VAX2: variants seen among roughly 807,000 people sequenced by gnomAD.
VAX2 encodes ventral anterior homeobox 2.
In VAX2, 8 loss-of-function variants were observed where a neutral mutation model predicts 12.5. The ratio of observed to expected loss-of-function variants is 0.64; its 90% CI spans 0.37 to 1.15. VAX2 has a LOEUF of 1.15. Among genes scored for constraint, VAX2 ranks in the 50% most tolerant of loss-of-function variants. VAX2 has a pLI of 0.01. For synonymous variants in VAX2, 183 were observed against 187.6 expected, an observed-to-expected ratio of 0.98 and a Z score of 0.20; for missense variants, 476 against 412.9, an observed-to-expected ratio of 1.15 and a Z score of -1.32.
chr2:70,901,408 C>G (rs1443538924), intron 1 of VAX2, among the ~76,000 whole-genome samples: 1 of 152,230 alleles, frequency 6.6e-6, no homozygotes, highest in African/African-American at 2.4e-5. Context: ...CGGAGGGTGG[C>G]GTGCGCGGCG....
chr2:70,932,637 A>AGCCC, intron 2 of VAX2, 130 bp from the exon 3 acceptor site: 1 of 144,554 alleles, frequency 6.9e-6, no homozygotes, highest in Non-Finnish European at 1.5e-5. Flanking sequence ...CCACCCTCAC[A>AGCCC]CCCCACCCCC....
intron 2 of VAX2, among the ~76,000 whole-genome samples, chr2:70,923,022 T>G (rs571205021): frequency 6.6e-6 from 1 of 151,782 alleles, no homozygotes; most frequent in Non-Finnish European, 1.5e-5. Flanking sequence ...ACAGATAGTG[T>G]GTGTGTGTGT....
rs955423207 is a variant in VAX2 at position 70,908,006 on chromosome 2, G to A, written c.247+7138G>A. The stretch of plus-strand genomic sequence containing the variant: ...GCCTAATTCCCCTAAAGACTGGAGG[G>A]ACCTTGGGGTTGTTTTTCCTTAATA... On this transcript the variant is annotated intron_variant, in intron 1 of 2. Coordinates refer to ENST00000234392, the MANE Select transcript of VAX2 (RefSeq NM_012476.3). Among the ~76,000 whole-genome samples the A allele has an allele frequency of 5.3e-5, 8 of 152,186 alleles. No individual in the cohort carries two copies. The South Asian group carries it at 6.2e-4, about 12-fold the overall frequency.
chr2:70,932,452 T>C (rs1410877043), intron 2 of VAX2, among the ~76,000 whole-genome samples: 1 of 152,090 alleles, frequency 6.6e-6, no homozygotes, highest in African/African-American at 2.4e-5. Context: ...ACATCAGTTG[T>C]ACTCCCAAAC....
intron 2 of VAX2, among the ~76,000 whole-genome samples, chr2:70,932,079 C>T (rs2104790074): frequency 6.6e-6 from 1 of 152,290 alleles, no homozygotes; most frequent in East Asian, 1.9e-4. Flanking sequence ...TTCTCATGGG[C>T]AGCCAGGGTC....
intron 2 of VAX2, among the ~76,000 whole-genome samples, chr2:70,929,093 T>C (rs1679633976): frequency 6.6e-6 from 1 of 152,170 alleles, no homozygotes; most frequent in Admixed American, 6.5e-5. Context: ...ACTCCTTCCC[T>C]CAGCAGTCAG....
intron 1 of VAX2, 87 bp downstream of exon 1, chr2:70,900,955 C>A: frequency 8.6e-7 from 1 of 1,169,270 alleles, no homozygotes; most frequent in South Asian, 2.9e-5. Context: ...TGACACCTCT[C>A]AATTCATATA....
chr2:70,918,393 G>A (rs1282252265), intron 1 of VAX2, among the ~76,000 whole-genome samples: 3 of 152,140 alleles, frequency 2.0e-5, no homozygotes, highest in African/African-American at 7.2e-5. Context: ...TTGGAGGGAG[G>A]GGCTCAGGGT....
intron 2 of VAX2, among the ~76,000 whole-genome samples, chr2:70,925,447 G>C (rs899814054): frequency 6.6e-6 from 1 of 152,206 alleles, no homozygotes; most frequent in African/African-American, 2.4e-5. Context: ...TGGGAGAATG[G>C]TGACACCATA....
intron 1 of VAX2, among the ~76,000 whole-genome samples, chr2:70,912,707 C>A (rs1437509629): frequency 6.6e-6 from 1 of 152,024 alleles, no homozygotes; most frequent in Non-Finnish European, 1.5e-5. Context: ...AAGAGACTAC[C>A]TAGTGCTAGG....
Position 70,921,170 on chromosome 2 carries a change from C to T in VAX2, c.320C>T (p.Thr107Ile), listed in dbSNP as rs1021759321. The change falls in exon 2 of 3, where the codon ACA becomes ATA. Residue 107 changes from threonine (T) to isoleucine (I), a missense_variant. Transcript: ENST00000234392. The part of the protein sequence containing the change: ...LDLDRPKRTR[T>I]SFTAEQLYRL... ...CTGGACCGGCCCAAGCGGACACGTA[C>T]ATCCTTCACTGCCGAGCAGCTGTAC... is the stretch of plus-strand genomic sequence containing the variant. The T allele has an allele frequency of 6.2e-7, 1 of 1,613,732 alleles. No homozygotes were observed. The highest frequency in any genetic ancestry group is 8.5e-7 in the Non-Finnish European group (1 of 1,179,958).
chr2:70,902,051 C>G (rs1678946804), intron 1 of VAX2, among the ~76,000 whole-genome samples: 1 of 152,218 alleles, frequency 6.6e-6, no homozygotes, highest in Non-Finnish European at 1.5e-5. Flanking sequence ...GGCGAACAGG[C>G]TGGAAGCTGG....
chr2:70,912,163 A>G (rs1209946666), intron 1 of VAX2, among the ~76,000 whole-genome samples: 2 of 152,202 alleles, frequency 1.3e-5, no homozygotes, highest in Non-Finnish European at 2.9e-5. Flanking sequence ...GCAGCATTAT[A>G]CCATTTTAGT....
At chr2:70,906,484 C>G (rs1679061617) in intron 1 of VAX2, among the ~76,000 whole-genome samples, 1 of 131,760 alleles carries the variant, frequency 7.6e-6, no homozygotes, top group African/African-American at 2.9e-5. Flanking sequence ...GTGGCCTTAA[C>G]ATCTTTTATT....
chr2:70,928,482 G>C (rs1180710562), intron 2 of VAX2, among the ~76,000 whole-genome samples: 4 of 152,122 alleles, frequency 2.6e-5, no homozygotes, highest in African/African-American at 7.2e-5. Flanking sequence ...CCCAGCCCCT[G>C]CTCCATCTGC....
intron 2 of VAX2, among the ~76,000 whole-genome samples, chr2:70,925,036 G>A (rs1468166383): frequency 1.8e-4 from 27 of 152,186 alleles, no homozygotes; most frequent in African/African-American, 5.3e-4. Context: ...CAAGGCAGAC[G>A]GTAACTATGA....
intron 2 of VAX2, among the ~76,000 whole-genome samples, chr2:70,925,970 A>G: frequency 6.6e-6 from 1 of 151,060 alleles, no homozygotes; most frequent in East Asian, 1.9e-4. Context: ...TAGCATCTCT[A>G]CCTTCTTCCC....
chr2:70,932,449 T>C (rs1161007887), intron 2 of VAX2, among the ~76,000 whole-genome samples: 2 of 151,982 alleles, frequency 1.3e-5, no homozygotes, highest in Non-Finnish European at 1.5e-5. Context: ...AGAACATCAG[T>C]TGTACTCCCA....
chr2:70,907,603 AC>A (rs1165956072), intron 1 of VAX2, among the ~76,000 whole-genome samples: 3 of 152,214 alleles, frequency 2.0e-5, no homozygotes, highest in African/African-American at 7.2e-5. Flanking sequence ...CACCGCGTCC[AC>A]CCGCGGAGCT....
Sources: gnomAD v4.1 joint callset for allele counts (sites outside exome capture counted in the v4.1 genomes callset) on GRCh38, gnomAD v4.1.1 for gene constraint, MANE v1.5 for transcripts, NCBI Gene and HGNC (gene_info 2026-07-23, HGNC 2026-07-21) for gene names.